The following DNAH5 variants were observed in gnomAD, a reference collection of about 807,000 sequenced individuals.
The protein encoded by DNAH5 is axonemal beta dynein heavy chain 5.
In DNAH5, 372 loss-of-function variants were observed where a neutral mutation model predicts 518.2. The observed-to-expected ratio is 0.72, with a 90% CI of 0.66 to 0.78. DNAH5 has a LOEUF of 0.78. Ranked by LOEUF, DNAH5 falls within the 30% of genes least tolerant of loss-of-function variation. DNAH5 has a pLI of 0.00. For synonymous variants in DNAH5, 2,039 were observed against 2,025.9 expected, an observed-to-expected ratio of 1.01 and a Z score of -0.17; for missense variants, 5,523 against 5,687.0, an observed-to-expected ratio of 0.97 and a Z score of 0.93.
At position 13,829,849 on chromosome 5, in the gene DNAH5, C is replaced by A. The variant is rs1055019505; in HGVS notation, c.6250-145G>T. 8.2e-6 allele frequency: 9 copies of A among 1,100,224 alleles called. No homozygotes were observed. The African/African-American group carries it at 1.3e-4, about 15-fold the overall frequency. The allele number at this position is 1,100,224 out of a possible 1,614,324, so 68.2% of individuals were successfully genotyped here. A position where few individuals can be genotyped will look rare whatever the true frequency, so the allele number is the denominator to read the frequency against. ...GTATCTCAATCTCGTTTTACCTGGA[C>A]AGGCTAAGTCATGAGCTATTCATAT... On this transcript the variant is annotated intron_variant, in intron 37 of 78. Coordinates refer to ENST00000265104, the MANE Select transcript of DNAH5 (RefSeq NM_001369.3).
At position 13,891,041 on chromosome 5, in the gene DNAH5, T is replaced by C; in HGVS notation, c.2512A>G (p.Thr838Ala). 6.2e-7 allele frequency: 1 copy of C among 1,614,178 alleles called. No individual in the cohort carries two copies. The highest frequency in any genetic ancestry group is 1.1e-5 in the South Asian group (1 of 91,090). The part of the protein sequence containing the change: ...IDAILEEMSS[T>A]PLCQLPQEEP... Reference sequence around the variant, plus strand: ...TCCTGGGGAAGCTGACAAAGAGGCGTGCTGCTCATTTCTTCTAGAATGGCA... The same window carrying C: ...TCCTGGGGAAGCTGACAAAGAGGCGCGCTGCTCATTTCTTCTAGAATGGCA... The change falls in exon 17 of 79, where the codon ACG (threonine) becomes GCG (alanine). Residue 838 changes from threonine to alanine, a missense_variant. Physicochemically the swap from Thr to Ala is moderately conservative, Grantham distance 58. Coordinates refer to ENST00000265104, the MANE Select transcript of DNAH5 (RefSeq NM_001369.3).
rs1277774918 is a variant in DNAH5 at position 13,890,973 on chromosome 5, G to A, written c.2577+3C>T. ...AAACAAAAAAAATCAAGGTTTTAAT[G>A]ACCTTTGTCATTTGGAGAAACTCTT... On this transcript the variant is annotated splice_donor_region_variant and intron_variant, in intron 17 of 78. Coordinates refer to ENST00000265104, the MANE Select transcript of DNAH5 (RefSeq NM_001369.3). 1 of 1,613,990 alleles carries A rather than the reference G, an allele frequency of 6.2e-7. No individual in the cohort carries two copies. The highest frequency in any genetic ancestry group is 8.5e-7 in the Non-Finnish European group (1 of 1,179,964).
chr5:13,989,645 G>A lies in DNAH5; in HGVS notation c.12+22003C>T, dbSNP rs561564170. Among the ~76,000 whole-genome samples the A allele has an allele frequency of 4.2e-3, 642 of 151,946 alleles. 2 individuals carry two copies. Among genetic ancestry groups the A allele is most frequent in the African/African-American group, 0.014 (596 of 41,428 alleles). ...ACTACAGGCGCCCGCCATCACACCC[G>A]GCTAATTTTTTATATTTTTAGTAGA... On this transcript the variant is annotated intron_variant, in intron 1 of 78. Coordinates refer to the DNAH5 transcript ENST00000681290.
intron 65 of DNAH5, among the ~76,000 whole-genome samples, chr5:13,738,227 G>A (rs1747865454): frequency 6.7e-6 from 1 of 150,254 alleles, no homozygotes; most frequent in Admixed American, 6.7e-5. Flanking sequence ...TCAAGTGATT[G>A]CTGTGATTAT....
intron 61 of DNAH5, among the ~76,000 whole-genome samples, chr5:13,758,466 G>T (rs1430317215): frequency 2.0e-5 from 3 of 152,166 alleles, no homozygotes; most frequent in African/African-American, 7.2e-5. Flanking sequence ...TTGCACTCCA[G>T]CCTGGACGAC....
chr5:13,920,409 A>G (rs1410571035), intron 6 of DNAH5, 71 bp downstream of exon 6: 3 of 1,588,888 alleles, frequency 1.9e-6, no homozygotes, highest in Non-Finnish European at 2.6e-6. Context: ...GTCGTATGTC[A>G]ATACACCTTC....
chr5:13,765,164 G>T (rs1014079206), intron 59 of DNAH5, among the ~76,000 whole-genome samples: 7 of 152,074 alleles, frequency 4.6e-5, no homozygotes, highest in Admixed American at 4.6e-4. Context: ...AGCCATCATG[G>T]GAGTGCTTAC....
chr5:13,720,958 A>C (rs202169689), intron 71 of DNAH5, 42 bp downstream of exon 71: 1 of 1,613,618 alleles, frequency 6.2e-7, no homozygotes, highest in Non-Finnish European at 8.5e-7. Flanking sequence ...TATAACCTGT[A>C]ATATGAACAG....
At chr5:13,826,088 G>A (rs1366845297) in intron 38 of DNAH5, among the ~76,000 whole-genome samples, 3 of 152,210 alleles carry the variant, frequency 2.0e-5, no homozygotes, top group African/African-American at 7.2e-5. Context: ...GTGTTGGTGA[G>A]TAAACTTAAT....
chr5:13,905,708 G>A (rs1775200348), intron 12 of DNAH5, among the ~76,000 whole-genome samples: 2 of 152,144 alleles, frequency 1.3e-5, no homozygotes, highest in Admixed American at 1.3e-4. Flanking sequence ...TTGGAAGACA[G>A]TTTGATGGAT....
At chr5:13,974,823 C>A (rs946635895) in intron 1 of DNAH5, among the ~76,000 whole-genome samples, 1 of 152,190 alleles carries the variant, frequency 6.6e-6, no homozygotes, top group Non-Finnish European at 1.5e-5. Flanking sequence ...TACTCCCCCA[C>A]TGCCTCTGAG....
intron 73 of DNAH5, 140 bp downstream of exon 73, chr5:13,717,175 C>T (rs1297264136): frequency 2.6e-6 from 2 of 778,714 alleles, no homozygotes; most frequent in African/African-American, 3.4e-5. Flanking sequence ...AAGTGTGACC[C>T]AAATTGCTAT....
chr5:13,763,932 T>C (rs1172595439), intron 59 of DNAH5, among the ~76,000 whole-genome samples: 1 of 152,202 alleles, frequency 6.6e-6, no homozygotes. Context: ...CAGAGTCTCA[T>C]ATTATAATTA....
rs867672282 is a variant in DNAH5 at position 13,780,871 on chromosome 5, G to A, written c.8909C>T (p.Ser2970Leu). 1 of 1,613,768 alleles carries A rather than the reference G, an allele frequency of 6.2e-7. No homozygotes were observed. The highest frequency in any genetic ancestry group is 8.5e-7 in the Non-Finnish European group (1 of 1,179,794). The stretch of plus-strand genomic sequence containing the variant: ...GAAGGAAACGTAGCCAGCAATGAAT[G>A]AAGCCAACCTCGTCAGGCTCTGCTT... ...SGKQSLTRLA[S>L]FIAGYVSFQI... The change falls in exon 53 of 79, where the codon TCA (serine) becomes TTA (leucine). Residue 2970 changes from serine (S) to leucine (L), a missense_variant. By Grantham distance (145) the Ser-to-Leu change is moderately radical. Around this residue, in one of 3 missense-constraint regions of DNAH5, gnomAD observed 5,121 missense variants for 5,223.3 expected, o/e 0.98. Coordinates refer to ENST00000265104, the MANE Select transcript of DNAH5 (RefSeq NM_001369.3).
intron 11 of DNAH5, among the ~76,000 whole-genome samples, chr5:13,912,499 T>C (rs1776127883): frequency 1.3e-5 from 2 of 151,698 alleles, no homozygotes; most frequent in Non-Finnish European, 2.9e-5. Context: ...ACACTATATA[T>C]ATGCATGGAA....
At chr5:13,713,152 CATATATATATACCGACAT>C (rs1185732293) in intron 75 of DNAH5, among the ~76,000 whole-genome samples, 4 of 130,974 alleles carry the variant, frequency 3.1e-5, no homozygotes, top group African/African-American at 8.5e-5. Context: ...TATATACCGA[CATATATATATACCGACAT>C]ATATATATAT....
At chr5:13,834,609 G>C (rs993937898) in intron 35 of DNAH5, among the ~76,000 whole-genome samples, 1 of 152,212 alleles carries the variant, frequency 6.6e-6, no homozygotes, top group African/African-American at 2.4e-5. Flanking sequence ...GGAGATTGCG[G>C]GAGGTCGGGA....
chr5:13,693,228 TTAAC>T (rs1740937519), intron 78 of DNAH5, among the ~76,000 whole-genome samples: 1 of 152,184 alleles, frequency 6.6e-6, no homozygotes, highest in Admixed American at 6.5e-5. Flanking sequence ...GAAATTACAT[TTAAC>T]TAAGAGGATG....
chr5:13,815,920 A>C (rs1186252426), intron 42 of DNAH5, among the ~76,000 whole-genome samples: 1 of 152,120 alleles, frequency 6.6e-6, no homozygotes, highest in Non-Finnish European at 1.5e-5. Flanking sequence ...GTGGAGAGAG[A>C]AGAGGGCTGA....
Sources: gnomAD v4.1 joint callset for allele counts (sites outside exome capture counted in the v4.1 genomes callset) on GRCh38, gnomAD v4.1.1 for gene constraint, gnomAD v4.1.1 regional missense constraint, MANE v1.5 for transcripts, NCBI Gene and HGNC (gene_info 2026-07-23, HGNC 2026-07-21) for gene names.